The following KATNIP variants were observed in gnomAD, a reference collection of about 807,000 sequenced individuals.
KATNIP encodes katanin interacting protein.
In KATNIP, 126 loss-of-function variants were observed where a neutral mutation model predicts 174.0. The ratio of observed to expected loss-of-function variants is 0.72; its 90% CI spans 0.63 to 0.84. The LOEUF is 0.84. KATNIP is among the 40% of genes least tolerant of loss of function. KATNIP has a pLI of 0.00. For missense variants in KATNIP, 1,958 were observed against 2,109.7 expected (o/e 0.93, Z 1.41); for synonymous variants, 810 against 835.7 (o/e 0.97, Z 0.53).
intron 12 of KATNIP, among the ~76,000 whole-genome samples, chr16:27,708,239 T>G (rs1004363523): frequency 5.3e-5 from 8 of 152,014 alleles, no homozygotes; most frequent in African/African-American, 4.8e-5. Flanking sequence ...CTTAGGCTGA[T>G]CTTGAACTCC....
At chr16:27,578,123 G>A (rs1596779612) in intron 2 of KATNIP, among the ~76,000 whole-genome samples, 1 of 152,194 alleles carries the variant, frequency 6.6e-6, no homozygotes, top group Middle Eastern at 3.4e-3. Context: ...TGGTTCCAAT[G>A]TGCAGCCATG....
At chr16:27,748,080 C>T (rs886955558) in intron 15 of KATNIP, among the ~76,000 whole-genome samples, 2 of 152,180 alleles carry the variant, frequency 1.3e-5, no homozygotes, top group African/African-American at 4.8e-5. Context: ...TGCAGGATGA[C>T]ACCCTTAGAT....
intron 13 of KATNIP, among the ~76,000 whole-genome samples, chr16:27,716,852 T>C (rs1172652855): frequency 1.0e-5 from 1 of 98,930 alleles, no homozygotes; most frequent in East Asian, 2.0e-4. Context: ...TTACGTAGCA[T>C]TTTTTTTTTT....
intron 2 of KATNIP, among the ~76,000 whole-genome samples, chr16:27,616,564 T>TA (rs1251845391): frequency 6.6e-6 from 1 of 150,508 alleles, no homozygotes; most frequent in Non-Finnish European, 1.5e-5. Flanking sequence ...CTGTGTCTAC[T>TA]AAAAATACAA....
chr16:27,727,072 G>A (rs140818297), intron 14 of KATNIP: 9 of 156,542 alleles, frequency 5.7e-5, no homozygotes, highest in Middle Eastern at 1.0e-3. Flanking sequence ...CAGTGAATGC[G>A]TGTAAAGTGC....
intron 2 of KATNIP, 124 bp from the exon 3 acceptor site, chr16:27,618,301 G>A: frequency 4.2e-6 from 3 of 713,256 alleles, no homozygotes; most frequent in South Asian, 3.2e-5. Context: ...CGCCTGGGGT[G>A]TTGGGCCTTC....
At chr16:27,617,071 T>G (rs920813429) in intron 2 of KATNIP, among the ~76,000 whole-genome samples, 14 of 152,288 alleles carry the variant, frequency 9.2e-5, no homozygotes, top group South Asian at 6.2e-4. Flanking sequence ...TAAATATATG[T>G]AGTTTATTAT....
At chr16:27,720,184 G>A (rs1286974008) in intron 13 of KATNIP, among the ~76,000 whole-genome samples, 6 of 152,096 alleles carry the variant, frequency 3.9e-5, no homozygotes, top group African/African-American at 1.4e-4. Flanking sequence ...TCCACCTCAC[G>A]AGTTCAAGCT....
intron 13 of KATNIP, among the ~76,000 whole-genome samples, chr16:27,714,595 GA>G (rs1000429650): frequency 1.4e-4 from 21 of 152,060 alleles, no homozygotes; most frequent in African/African-American, 4.6e-4. Flanking sequence ...AGATGGGGGA[GA>G]AGATTAAAAT....
At chr16:27,704,306 C>A (rs981662749) in intron 12 of KATNIP, among the ~76,000 whole-genome samples, 1 of 152,192 alleles carries the variant, frequency 6.6e-6, no homozygotes, top group Admixed American at 6.5e-5. Flanking sequence ...TTACAGCAAC[C>A]TAAATGTCCC....
At chr16:27,758,287 C>T (rs1283632110) in intron 18 of KATNIP, among the ~76,000 whole-genome samples, 1 of 152,200 alleles carries the variant, frequency 6.6e-6, no homozygotes, top group Non-Finnish European at 1.5e-5. Context: ...TCCTCTGTCA[C>T]CTAGGTCAAA....
chr16:27,776,257 C>T lies in KATNIP; in HGVS notation c.4450-671C>T, dbSNP rs142014030. 2.2e-3 allele frequency among the ~76,000 whole-genome samples: 333 copies of T among 152,226 alleles called. No homozygotes were observed. The highest frequency in any genetic ancestry group is 7.5e-3 in the African/African-American group (312 of 41,532). ...GACCAGGGCCTGGGGCAGGACTGAGCCTGCAGTCTGTGGCCAGTGTGGAAT... is the reference window on the plus strand; with the variant it reads ...GACCAGGGCCTGGGGCAGGACTGAGTCTGCAGTCTGTGGCCAGTGTGGAAT... On this transcript the variant is annotated intron_variant, in intron 24 of 27. Coordinates refer to ENST00000261588, the MANE Select transcript of KATNIP (RefSeq NM_015202.5). This position sits in a 1 kb window ranked among gnomAD's most constrained non-coding sequence, Gnocchi z 4.7.
At chr16:27,615,919 T>A (rs751126885) in intron 2 of KATNIP, among the ~76,000 whole-genome samples, 1 of 152,198 alleles carries the variant, frequency 6.6e-6, no homozygotes, top group Non-Finnish European at 1.5e-5. Flanking sequence ...CTCTCTTTTC[T>A]TCCCAGGATA....
At chr16:27,729,492 G>A (rs915512754) in intron 14 of KATNIP, among the ~76,000 whole-genome samples, 1 of 152,154 alleles carries the variant, frequency 6.6e-6, no homozygotes, top group Non-Finnish European at 1.5e-5. Context: ...AATCATCAGG[G>A]AAGATAGAAA....
Position 27,677,805 on chromosome 16 carries a change from C to G in KATNIP, c.617C>G (p.Ser206Cys), listed in dbSNP as rs753651386. 1.2e-6 allele frequency: 2 copies of G among 1,614,076 alleles called. No individual in the cohort carries two copies. The highest frequency in any genetic ancestry group is 1.7e-6 in the Non-Finnish European group (2 of 1,179,932). Residue 206 changes from serine to cysteine, a missense_variant, in exon 7 of 28, where the codon TCT (serine) becomes TGT (cysteine). Physicochemically the swap from Ser to Cys is moderately radical, Grantham distance 112. Transcript: ENST00000261588. The part of the protein sequence containing the change: ...QKDCSSDEYD[S>C]IEEDILSEPE... Reference sequence around the variant, plus strand: ...GATTGTTCCAGCGATGAGTATGACTCTATTGAGGAAGACATACTCTCTGAG... The same window carrying G: ...GATTGTTCCAGCGATGAGTATGACTGTATTGAGGAAGACATACTCTCTGAG...
At chr16:27,576,592 G>A (rs956849513) in intron 2 of KATNIP, among the ~76,000 whole-genome samples, 2 of 151,484 alleles carry the variant, frequency 1.3e-5, no homozygotes, top group Non-Finnish European at 2.9e-5. Context: ...CCTGGGCAAC[G>A]TGGTAAAATC....
At chr16:27,746,625 G>T (rs1207628312) in intron 15 of KATNIP, among the ~76,000 whole-genome samples, 1 of 152,360 alleles carries the variant, frequency 6.6e-6, no homozygotes, top group South Asian at 2.1e-4. Context: ...CGAGGATAAA[G>T]TGGCAGAGAA....
At chr16:27,550,323 T>C in intron 1 of KATNIP, 146 bp downstream of exon 1, 1 of 912,540 alleles carries the variant, frequency 1.1e-6, no homozygotes, top group South Asian at 1.7e-5. Flanking sequence ...ATAGGGAGGC[T>C]TAGTGGTCTG....
chr16:27,663,514 G>C (rs2077590072), intron 6 of KATNIP, among the ~76,000 whole-genome samples: 1 of 151,506 alleles, frequency 6.6e-6, no homozygotes, highest in Non-Finnish European at 1.5e-5. Flanking sequence ...ACAGAGTCTT[G>C]CTCGGCTCAC....
Sources: allele counts gnomAD v4.1 joint callset (sites outside exome capture counted in the v4.1 genomes callset), GRCh38; gene constraint gnomAD v4.1.1; non-coding constraint Gnocchi (gnomAD v3.1); transcripts MANE v1.5; gene names NCBI Gene and HGNC (gene_info 2026-07-23, HGNC 2026-07-21).